The following NDUFAF2 variants were observed in gnomAD, a reference collection of about 807,000 sequenced individuals.
NDUFAF2 encodes the protein NADH dehydrogenase [ubiquinone] 1 alpha subcomplex assembly factor 2.
In NDUFAF2, 13 loss-of-function variants were observed where a neutral mutation model predicts 22.8. That is an observed-to-expected ratio of 0.57 (90% CI 0.37 to 0.91). NDUFAF2 has a LOEUF of 0.91. Among genes scored for constraint, NDUFAF2 ranks in the 40% least tolerant of loss-of-function variants. NDUFAF2 has a pLI of 0.01. For synonymous variants in NDUFAF2, 53 were observed against 64.2 expected (o/e 0.83, Z 0.84); for missense variants, 162 against 195.2 (o/e 0.83, Z 1.01).
chr5:61,013,855 G>A (rs867861364), intron 1 of NDUFAF2, among the ~76,000 whole-genome samples: 1 of 151,936 alleles, frequency 6.6e-6, no homozygotes, highest in Non-Finnish European at 1.5e-5. Context: ...TTATGTGTAG[G>A]TCATGTGCAA....
intron 1 of NDUFAF2, among the ~76,000 whole-genome samples, chr5:61,067,632 G>A (rs1161756647): frequency 6.6e-6 from 1 of 152,138 alleles, no homozygotes; most frequent in Non-Finnish European, 1.5e-5. Flanking sequence ...GTGTGCATGT[G>A]TCTTTATAGC....
At chr5:60,950,975 T>C (rs1750538186) in intron 1 of NDUFAF2, among the ~76,000 whole-genome samples, 1 of 152,138 alleles carries the variant, frequency 6.6e-6, no homozygotes, top group Non-Finnish European at 1.5e-5. Context: ...CACTTAGTAA[T>C]ATGCACTTAA....
At chr5:60,954,335 G>A (rs1055261125) in intron 1 of NDUFAF2, among the ~76,000 whole-genome samples, 1 of 152,086 alleles carries the variant, frequency 6.6e-6, no homozygotes, top group Non-Finnish European at 1.5e-5. Context: ...AGAATAATTA[G>A]GGATCAGTAG....
At position 61,139,459 on chromosome 5, in the gene NDUFAF2, G is replaced by T. The variant is rs1429290095; in HGVS notation, c.259-13245G>T. 5.3e-5 allele frequency among the ~76,000 whole-genome samples: 8 copies of T among 152,338 alleles called. No individual in the cohort carries two copies. The East Asian group carries it at 5.8e-4, about 11-fold the overall frequency. On this transcript the variant is annotated intron_variant, in intron 3 of 3. Coordinates refer to ENST00000296597, the MANE Select transcript of NDUFAF2 (RefSeq NM_174889.5). ...GACCGTCTGTATAGTAAAAAAGAGG[G>T]CTAGAATTGAGTCCTTGAAGCATTT...
chr5:61,009,830 C>T (rs1280494621), intron 1 of NDUFAF2, among the ~76,000 whole-genome samples: 4 of 152,036 alleles, frequency 2.6e-5, no homozygotes, highest in Admixed American at 6.6e-5. Flanking sequence ...GCCTCAGAAT[C>T]ATCAGCATGT....
chr5:60,994,565 A>G (rs997268847), intron 1 of NDUFAF2, among the ~76,000 whole-genome samples: 2 of 152,172 alleles, frequency 1.3e-5, no homozygotes, highest in African/African-American at 4.8e-5. Flanking sequence ...CGCTGCTACC[A>G]TTAATATTGG....
intron 1 of NDUFAF2, among the ~76,000 whole-genome samples, chr5:60,999,104 G>A (rs768630422): frequency 7.9e-5 from 12 of 151,934 alleles, no homozygotes; most frequent in African/African-American, 1.2e-4. Flanking sequence ...TGCATAAGGA[G>A]CATAAAAGTT....
At chr5:60,953,538 G>A (rs183025195) in intron 1 of NDUFAF2, among the ~76,000 whole-genome samples, 15 of 152,196 alleles carry the variant, frequency 9.9e-5, no homozygotes, top group African/African-American at 3.6e-4. Context: ...ATATGCTTCA[G>A]TAGCCTCCTG....
intron 1 of NDUFAF2, among the ~76,000 whole-genome samples, chr5:61,021,138 A>T (rs1561543745): frequency 6.6e-6 from 1 of 152,086 alleles, no homozygotes; most frequent in Non-Finnish European, 1.5e-5. Flanking sequence ...AAATTACTGC[A>T]AATTTAGTGG....
rs370297151 is a variant in NDUFAF2 at position 61,014,536 on chromosome 5, A to T, written c.128-58589A>T. The stretch of plus-strand genomic sequence containing the variant: ...GAGGAGGGAGTCCTGGGAACCCCTA[A>T]TTTATAACTGGTTGGTAGGAAGTAC... On this transcript the variant is annotated intron_variant, in intron 1 of 3. Coordinates refer to ENST00000296597, the MANE Select transcript of NDUFAF2 (RefSeq NM_174889.5). Among the ~76,000 whole-genome samples, 23 of 152,254 alleles carry T rather than the reference A, an allele frequency of 1.5e-4. No individual in the cohort carries two copies. The East Asian group carries it at 3.9e-3, about 26-fold the overall frequency.
intron 3 of NDUFAF2, among the ~76,000 whole-genome samples, chr5:61,134,314 A>G (rs1044418082): frequency 1.3e-5 from 2 of 152,196 alleles, no homozygotes; most frequent in African/African-American, 2.4e-5. Flanking sequence ...AAGAGCAAGG[A>G]TGGAAGCTAG....
At chr5:60,948,724 T>G (rs1750499825) in intron 1 of NDUFAF2, among the ~76,000 whole-genome samples, 1 of 152,212 alleles carries the variant, frequency 6.6e-6, no homozygotes, top group Non-Finnish European at 1.5e-5. Flanking sequence ...TTTGGGTTGT[T>G]TCTAGTTAGG....
At chr5:61,108,504 G>A (rs1199009065) in intron 3 of NDUFAF2, among the ~76,000 whole-genome samples, 1 of 151,332 alleles carries the variant, frequency 6.6e-6, no homozygotes, top group Non-Finnish European at 1.5e-5. Flanking sequence ...AGACATTTAT[G>A]CAGCTTATGG....
rs1352867453 is a variant in NDUFAF2 at position 61,099,146 on chromosome 5, AAAT to A, written c.258+117_258+119del. Reference sequence around the variant, plus strand: ...AGTGTTGATTTTATTCCATCACAGAAAATAACTTAAAACATTTTATAATAAATT... The same window carrying A: ...AGTGTTGATTTTATTCCATCACAGAAAACTTAAAACATTTTATAATAAATT... On this transcript the variant is annotated intron_variant, in intron 3 of 3. Coordinates refer to ENST00000296597, the MANE Select transcript of NDUFAF2 (RefSeq NM_174889.5). 1.0e-5 allele frequency: 5 copies of A among 493,884 alleles called. No individual in the cohort carries two copies. The South Asian group carries it at 2.3e-4, about 23-fold the overall frequency. 30.6% of individuals were successfully genotyped at this position (493,884 alleles called of 1,614,324 possible).
At chr5:61,122,063 C>T (rs1196533482) in intron 3 of NDUFAF2, among the ~76,000 whole-genome samples, 1 of 152,058 alleles carries the variant, frequency 6.6e-6, no homozygotes. Flanking sequence ...CTCCTGGCCT[C>T]AAGCAATCTA....
chr5:61,036,367 C>T lies in NDUFAF2; in HGVS notation c.128-36758C>T, dbSNP rs568531337. On this transcript the variant is annotated intron_variant, in intron 1 of 3. Coordinates refer to ENST00000296597, the MANE Select transcript of NDUFAF2 (RefSeq NM_174889.5). ...GATGAATAAGTCATGGCTTCTTCAC[C>T]CAAGTGGATCATAATCCAGCACTCA... Among the ~76,000 whole-genome samples the T allele has an allele frequency of 3.7e-4, 56 of 152,278 alleles. 1 individual carries two copies. The highest frequency in any genetic ancestry group is 4.7e-4 in the Non-Finnish European group (32 of 68,026).
chr5:60,962,586 A>G (rs1436550062), intron 1 of NDUFAF2, among the ~76,000 whole-genome samples: 2 of 152,052 alleles, frequency 1.3e-5, no homozygotes, highest in East Asian at 3.9e-4. Flanking sequence ...TAATCCCAAC[A>G]CTTTGGGAGG....
intron 3 of NDUFAF2, among the ~76,000 whole-genome samples, chr5:61,125,254 C>G (rs1261114471): frequency 1.3e-5 from 2 of 151,926 alleles, no homozygotes; most frequent in South Asian, 4.1e-4. Flanking sequence ...TAATTGTTAC[C>G]ATTTCCTCTC....
intron 1 of NDUFAF2, among the ~76,000 whole-genome samples, chr5:61,035,170 G>A (rs1751782324): frequency 6.6e-6 from 1 of 151,532 alleles, no homozygotes; most frequent in Non-Finnish European, 1.5e-5. Context: ...GGGCTCAAGC[G>A]ATTCTTTCAC....
Sources: gnomAD v4.1 joint callset for allele counts (sites outside exome capture counted in the v4.1 genomes callset) on GRCh38, gnomAD v4.1.1 for gene constraint, MANE v1.5 for transcripts, NCBI Gene and HGNC (gene_info 2026-07-23, HGNC 2026-07-21) for gene names.